Variants in CNTNAP2 observed in about 807,000 individuals in gnomAD.
CNTNAP2 encodes the protein contactin associated protein 2.
In CNTNAP2, 98 loss-of-function variants were observed where a neutral mutation model predicts 155.2. That is an observed-to-expected ratio of 0.63 (90% confidence interval 0.54 to 0.75). The LOEUF (loss-of-function observed/expected upper bound fraction) is 0.75. Among genes scored for constraint, CNTNAP2 ranks in the 30% least tolerant of loss-of-function variants. The pLI is 0.00. For missense variants in CNTNAP2, 1,727 were observed against 1,688.1 expected, an observed-to-expected ratio of 1.02 and a Z score of -0.40; for synonymous variants, 651 against 631.2, an observed-to-expected ratio of 1.03 and a Z score of -0.47.
chr7:147,443,056 G>A (rs545163757), intron 10 of CNTNAP2, among the ~76,000 whole-genome samples: 2 of 152,246 alleles, frequency 1.3e-5, no homozygotes, highest in South Asian at 4.1e-4. Flanking sequence ...CCCCCAGTCA[G>A]CTGGGTTTGG....
At chr7:146,888,248 CTGA>C (rs574326825) in intron 3 of CNTNAP2, among the ~76,000 whole-genome samples, 74 of 152,096 alleles carry the variant, frequency 4.9e-4, no homozygotes, top group Non-Finnish European at 9.4e-4. Context: ...TGGGCAGAAC[CTGA>C]TGATATCTGA....
In CNTNAP2 at chr7:147,916,428, G is replaced by A. The variant is rs567335832; in HGVS notation, c.2255+12707G>A. ...CCCAAATAATATTGATGACAGCAAAGAGAGCGATTAATCAGGTGTGATCCT... is the reference window on the plus strand; with the variant it reads ...CCCAAATAATATTGATGACAGCAAAAAGAGCGATTAATCAGGTGTGATCCT... On this transcript the variant is annotated intron_variant, in intron 14 of 23. Transcript: ENST00000361727. Among the ~76,000 whole-genome samples the A allele has an allele frequency of 2.6e-5, 4 of 152,246 alleles. No individual in the cohort carries two copies. In the East Asian group the frequency reaches 7.7e-4, roughly 29 times the overall value.
Position 148,378,163 on chromosome 7 carries a change from G to C in CNTNAP2, c.3476-5486G>C, listed in dbSNP as rs1383031485. Among the ~76,000 whole-genome samples the C allele has an allele frequency of 2.9e-5, 2 of 68,166 alleles. 1 individual carries two copies. The highest frequency in any genetic ancestry group is 8.6e-4 in the East Asian group (2 of 2,316). The allele number at this position is 68,166 out of a possible 152,430, so 44.7% of individuals were successfully genotyped here. ...ATTTTGGGGGAACACAAAGAGAAGT[G>C]ACATTTAGTCCCAGCTGTCAAGAAA... On this transcript the variant is annotated intron_variant, in intron 21 of 23. Coordinates refer to ENST00000361727, the MANE Select transcript of CNTNAP2 (RefSeq NM_014141.6).
intron 21 of CNTNAP2, among the ~76,000 whole-genome samples, chr7:148,325,043 C>T (rs1318531759): frequency 6.6e-6 from 1 of 152,208 alleles, no homozygotes; most frequent in Non-Finnish European, 1.5e-5. Flanking sequence ...TTAATTACCT[C>T]GGTTTACAGA....
intron 10 of CNTNAP2, among the ~76,000 whole-genome samples, chr7:147,434,752 C>A (rs1797524274): frequency 6.6e-6 from 1 of 152,196 alleles, no homozygotes; most frequent in Non-Finnish European, 1.5e-5. Flanking sequence ...ACATGGAGCA[C>A]CTGCTCCTCT....
chr7:146,296,423 T>G (rs775413410), intron 1 of CNTNAP2, among the ~76,000 whole-genome samples: 1 of 152,128 alleles, frequency 6.6e-6, no homozygotes, highest in Non-Finnish European at 1.5e-5. Context: ...CTTTCTTTGC[T>G]GCAAACTGGT....
chr7:146,909,085 C>T (rs1423500320), intron 3 of CNTNAP2, among the ~76,000 whole-genome samples: 1 of 152,090 alleles, frequency 6.6e-6, no homozygotes, highest in Non-Finnish European at 1.5e-5. Context: ...CACATACACT[C>T]TCCCAAGACT....
intron 3 of CNTNAP2, among the ~76,000 whole-genome samples, chr7:146,952,105 G>C (rs1182618675): frequency 6.6e-6 from 1 of 152,048 alleles, no homozygotes; most frequent in Non-Finnish European, 1.5e-5. Context: ...TCATCCCTGG[G>C]ATGCAAGGCT....
intron 1 of CNTNAP2, among the ~76,000 whole-genome samples, chr7:146,346,929 T>C (rs1794827179): frequency 6.6e-6 from 1 of 150,944 alleles, no homozygotes; most frequent in South Asian, 2.1e-4. Flanking sequence ...GATTGTTTTT[T>C]ATTGTTTTTT....
chr7:147,730,871 G>T (rs369975386), intron 13 of CNTNAP2, among the ~76,000 whole-genome samples: 1 of 152,098 alleles, frequency 6.6e-6, no homozygotes, highest in Admixed American at 6.6e-5. Flanking sequence ...AAACATGAAC[G>T]ATAGAAAAGT....
intron 11 of CNTNAP2, among the ~76,000 whole-genome samples, chr7:147,546,247 T>G (rs539608459): frequency 6.6e-6 from 1 of 152,294 alleles, no homozygotes; most frequent in African/African-American, 2.4e-5. Context: ...AACACTACTG[T>G]AAAATTCTGT....
intron 12 of CNTNAP2, among the ~76,000 whole-genome samples, chr7:147,620,494 TATTA>T (rs1417745427): frequency 2.0e-5 from 3 of 150,332 alleles, no homozygotes; most frequent in South Asian, 2.1e-4. Context: ...AATAATTATA[TATTA>T]ATTAAAAATA....
At chr7:146,439,852 G>C (rs1796295973) in intron 1 of CNTNAP2, among the ~76,000 whole-genome samples, 1 of 151,554 alleles carries the variant, frequency 6.6e-6, no homozygotes, top group Non-Finnish European at 1.5e-5. Flanking sequence ...GGATAGGCGT[G>C]GTGGCTCACA....
At chr7:148,349,006 A>C (rs5888320) in intron 21 of CNTNAP2, among the ~76,000 whole-genome samples, 7 of 152,086 alleles carry the variant, frequency 4.6e-5, no homozygotes, top group Non-Finnish European at 7.3e-5. Flanking sequence ...TTTTAATCTT[A>C]ATTCATCCAG....
At chr7:147,084,787 AT>A (rs1198439727) in intron 4 of CNTNAP2, among the ~76,000 whole-genome samples, 1 of 147,480 alleles carries the variant, frequency 6.8e-6, no homozygotes, top group African/African-American at 2.5e-5. Flanking sequence ...TAACATGATG[AT>A]GTAATACATA....
At position 147,440,157 on chromosome 7, in the gene CNTNAP2, T is replaced by C. The variant is rs545486294; in HGVS notation, c.1670+44377T>C. Among the ~76,000 whole-genome samples, 3 of 152,152 alleles carry C rather than the reference T, an allele frequency of 2.0e-5. No homozygotes were observed. In the South Asian group the frequency reaches 6.2e-4, roughly 31 times the overall value. On this transcript the variant is annotated intron_variant, in intron 10 of 23. Coordinates refer to ENST00000361727, the MANE Select transcript of CNTNAP2 (RefSeq NM_014141.6). ...TCTTCTCTTCCTTGTTTCCTTCCTGTCTTCCTTTTAGTGAGGGTGATTTTC... is the reference window on the plus strand; with the variant it reads ...TCTTCTCTTCCTTGTTTCCTTCCTGCCTTCCTTTTAGTGAGGGTGATTTTC...
chr7:147,313,293 T>G (rs2116800783), intron 9 of CNTNAP2, among the ~76,000 whole-genome samples: 1 of 151,770 alleles, frequency 6.6e-6, no homozygotes, highest in South Asian at 2.1e-4. Context: ...AATTTTGGCT[T>G]TTGTTGCCAT....
chr7:146,166,307 G>A (rs1380765383), intron 1 of CNTNAP2, among the ~76,000 whole-genome samples: 3 of 152,096 alleles, frequency 2.0e-5, no homozygotes, highest in Non-Finnish European at 4.4e-5. Flanking sequence ...TGGTCAGGCT[G>A]GTCTCAAATT....
chr7:146,612,503 A>G (rs904944429), intron 1 of CNTNAP2, among the ~76,000 whole-genome samples: 2 of 151,600 alleles, frequency 1.3e-5, no homozygotes, highest in African/African-American at 4.9e-5. Flanking sequence ...TTTTCAGGAA[A>G]TCAAGCCAGA....
Sources: allele counts gnomAD v4.1 joint callset (sites outside exome capture counted in the v4.1 genomes callset), GRCh38; gene constraint gnomAD v4.1.1; transcripts MANE v1.5; gene names NCBI Gene and HGNC (gene_info 2026-07-23, HGNC 2026-07-21).